ABTB2: variants seen among roughly 807,000 people sequenced by gnomAD.
ABTB2 encodes ankyrin repeat and BTB/POZ domain-containing protein 2.
Under a neutral mutation model 104.1 loss-of-function variants are expected in ABTB2, and 56 were observed. That is an observed-to-expected ratio of 0.54 (90% confidence interval 0.43 to 0.67). ABTB2 has a LOEUF of 0.67. ABTB2 is among the 30% of genes least tolerant of loss of function. The pLI, the probability that ABTB2 is intolerant of heterozygous loss-of-function variation, is 0.00. For synonymous variants in ABTB2, 606 were observed against 608.2 expected, an observed-to-expected ratio of 1.00 and a Z score of 0.05; for missense variants, 1,279 against 1,407.7, an observed-to-expected ratio of 0.91 and a Z score of 1.46.
chr11:34,170,958 T>C lies in ABTB2; in HGVS notation c.1511A>G (p.Asn504Ser), dbSNP rs1852865837. The change falls in exon 5 of 17, where the codon AAC (asparagine) becomes AGC (serine). Residue 504 changes from asparagine (N) to serine (S), a missense_variant. Transcript: ENST00000435224. ...CGGACCCAAGGCCTCGATGGCTTGG[T>C]TGATGAGGTCCGTCCTCCCACAGTT... ...MLNCGRTDLI[N>S]QAIEALGPDG... The C allele has an allele frequency of 6.2e-7, 1 of 1,614,120 alleles. No individual in the cohort carries two copies. Among genetic ancestry groups the C allele is most frequent in the Non-Finnish European group, 8.5e-7 (1 of 1,180,024 alleles).
rs755285286 is a variant in ABTB2, at chr11:34,162,521, C to T, written c.2218+55G>A. 6.5e-5 allele frequency: 102 copies of T among 1,559,498 alleles called. 3 individuals carry two copies. The East Asian group carries it at 1.6e-3, about 24-fold the overall frequency. On this transcript the variant is annotated intron_variant, in intron 10 of 16. Transcript: ENST00000435224. ...CTGCTGAAGAGCAGCAGGGAGTGAC[C>T]GTGTGTGTCCATATGCATGCATGGA...
chr11:34,319,480 A>G (rs1854976323), intron 1 of ABTB2, among the ~76,000 whole-genome samples: 2 of 152,326 alleles, frequency 1.3e-5, no homozygotes, highest in South Asian at 4.2e-4. Flanking sequence ...AAAAGGGAAC[A>G]GCCAACATAC....
intron 1 of ABTB2, among the ~76,000 whole-genome samples, chr11:34,258,159 G>A (rs1053579123): frequency 6.6e-6 from 1 of 152,132 alleles, no homozygotes; most frequent in Non-Finnish European, 1.5e-5. Flanking sequence ...CAGGATTAAG[G>A]GTCCCAGGGC....
chr11:34,212,798 C>G (rs1197389090), intron 1 of ABTB2, among the ~76,000 whole-genome samples: 1 of 152,236 alleles, frequency 6.6e-6, no homozygotes, highest in Non-Finnish European at 1.5e-5. Context: ...GTTATCAGAA[C>G]AGCACTGGCA....
intron 3 of ABTB2, among the ~76,000 whole-genome samples, chr11:34,192,117 C>T (rs971985415): frequency 3.3e-5 from 5 of 152,022 alleles, no homozygotes; most frequent in Non-Finnish European, 7.4e-5. Context: ...ATGGTGGGAC[C>T]CCATTTCTAC....
chr11:34,216,759 A>G (rs899715462), intron 1 of ABTB2, among the ~76,000 whole-genome samples: 2 of 152,158 alleles, frequency 1.3e-5, no homozygotes, highest in African/African-American at 4.8e-5. Context: ...TCTCAAAAAG[A>G]AAAAAAGAAA....
At chr11:34,192,134 T>G (rs368366685) in intron 3 of ABTB2, among the ~76,000 whole-genome samples, 1 of 152,000 alleles carries the variant, frequency 6.6e-6, no homozygotes, top group South Asian at 2.1e-4. Context: ...CTACAAAAAT[T>G]TTTTAAAAGT....
At chr11:34,255,516 A>G (rs1854110455) in intron 1 of ABTB2, among the ~76,000 whole-genome samples, 1 of 151,524 alleles carries the variant, frequency 6.6e-6, no homozygotes, top group South Asian at 2.1e-4. Context: ...TTTTTGAGAC[A>G]CAGTCTCGCT....
chr11:34,189,286 G>A (rs1853142274), intron 3 of ABTB2: 1 of 152,096 alleles, frequency 6.6e-6, no homozygotes, highest in Admixed American at 6.6e-5. Flanking sequence ...GAAAAGAAAA[G>A]AGAAAAGAAA....
At chr11:34,250,767 C>T (rs1854046151) in intron 1 of ABTB2, among the ~76,000 whole-genome samples, 1 of 152,186 alleles carries the variant, frequency 6.6e-6, no homozygotes, top group African/African-American at 2.4e-5. Context: ...TGCTCTGCTC[C>T]CTCTAATAAA....
At chr11:34,272,728 A>AAAAAAAC (rs1565156120) in intron 1 of ABTB2, among the ~76,000 whole-genome samples, 20 of 133,202 alleles carry the variant, frequency 1.5e-4, no homozygotes, top group Admixed American at 2.6e-4. Context: ...AAAAAAAAAA[A>AAAAAAAC]AAACCAACCA....
chr11:34,172,084 G>A (rs975490210), intron 4 of ABTB2, among the ~76,000 whole-genome samples: 1 of 151,968 alleles, frequency 6.6e-6, no homozygotes, highest in African/African-American at 2.4e-5. Context: ...TTAAAAAAAA[G>A]ATATAAGGCC....
intron 1 of ABTB2, among the ~76,000 whole-genome samples, chr11:34,224,360 C>T (rs1398654652): frequency 6.6e-6 from 1 of 152,118 alleles, no homozygotes; most frequent in Non-Finnish European, 1.5e-5. Context: ...CCCAGCTAGT[C>T]TCAAACTCCT....
At chr11:34,283,600 A>C (rs542365066) in intron 1 of ABTB2, among the ~76,000 whole-genome samples, 1 of 152,360 alleles carries the variant, frequency 6.6e-6, no homozygotes, top group African/African-American at 2.4e-5. Context: ...CCATCTCATA[A>C]ATCTAAGCTT....
At chr11:34,173,110 G>T in intron 4 of ABTB2, 45 bp downstream of exon 4, 3 of 1,611,564 alleles carry the variant, frequency 1.9e-6, no homozygotes, top group East Asian at 2.2e-5. Context: ...AGCCGCTGGG[G>T]GCAGGTCATG....
intron 1 of ABTB2, among the ~76,000 whole-genome samples, chr11:34,237,312 G>A (rs1044052475): frequency 6.3e-5 from 8 of 127,208 alleles, no homozygotes; most frequent in South Asian, 2.4e-4. Flanking sequence ...ACCGAGTCTC[G>A]CTCTATTGCC....
chr11:34,190,944 T>G (rs767711850), intron 3 of ABTB2, among the ~76,000 whole-genome samples: 1 of 152,222 alleles, frequency 6.6e-6, no homozygotes, highest in Non-Finnish European at 1.5e-5. Context: ...TTTACTGTAT[T>G]ATCTCATTTA....
At chr11:34,282,873 T>C (rs1178303807) in intron 1 of ABTB2, among the ~76,000 whole-genome samples, 2 of 151,192 alleles carry the variant, frequency 1.3e-5, no homozygotes, top group Non-Finnish European at 2.9e-5. Flanking sequence ...TAAGTTTGTC[T>C]ATGTTGAATG....
chr11:34,286,799 T>C (rs1710781192), intron 1 of ABTB2, among the ~76,000 whole-genome samples: 1 of 152,194 alleles, frequency 6.6e-6, no homozygotes, highest in Non-Finnish European at 1.5e-5. Flanking sequence ...CCTTGGAGGC[T>C]TAGAAACATA....
Sources: allele counts gnomAD v4.1 joint callset (sites outside exome capture counted in the v4.1 genomes callset), GRCh38; gene constraint gnomAD v4.1.1; transcripts MANE v1.5; gene names NCBI Gene and HGNC (gene_info 2026-07-23, HGNC 2026-07-21).